Variants in TENM3 observed in about 807,000 individuals in gnomAD.
TENM3 encodes the protein teneurin transmembrane protein 3, also known as teneurin-3.
TENM3 carries 63 observed loss-of-function variants against 255.1 expected under a neutral mutation model. That is an observed-to-expected ratio of 0.25 (90% CI 0.20 to 0.30). The LOEUF is 0.30. Ranked by LOEUF, TENM3 falls within the 10% of genes least tolerant of loss-of-function variation. The probability of loss-of-function intolerance (pLI) is 1.00; values close to 1 mark genes in which losing one functional copy is unlikely to be tolerated. For synonymous variants in TENM3, 1,306 were observed against 1,322.3 expected, an observed-to-expected ratio of 0.99 and a Z score of 0.27; for missense variants, 2,929 against 3,461.1, an observed-to-expected ratio of 0.85 and a Z score of 3.86.
chr4:182,746,220 T>C (rs1408058975), intron 19 of TENM3, among the ~76,000 whole-genome samples: 1 of 152,150 alleles, frequency 6.6e-6, no homozygotes, highest in Non-Finnish European at 1.5e-5. Flanking sequence ...ATCATACCCG[T>C]GGTCCGTGGT....
chr4:182,442,837 C>A (rs898072941), intron 3 of TENM3, among the ~76,000 whole-genome samples: 1 of 77,588 alleles, frequency 1.3e-5, no homozygotes, highest in African/African-American at 4.9e-5. Context: ...TATATACATA[C>A]ATACATATAT....
At chr4:182,506,970 A>G (rs574214797) in intron 3 of TENM3, among the ~76,000 whole-genome samples, 14 of 152,332 alleles carry the variant, frequency 9.2e-5, no homozygotes, top group Middle Eastern at 3.4e-3. Flanking sequence ...GGCACATACT[A>G]TGGAACATCT....
At chr4:182,741,307 T>C (rs890762016) in intron 18 of TENM3, among the ~76,000 whole-genome samples, 7 of 152,226 alleles carry the variant, frequency 4.6e-5, no homozygotes, top group Non-Finnish European at 1.0e-4. Flanking sequence ...CAAAGTGACA[T>C]GTGTCTAATT....
intron 1 of TENM3, among the ~76,000 whole-genome samples, chr4:182,168,468 C>A (rs1751868829): frequency 6.6e-6 from 1 of 152,140 alleles, no homozygotes; most frequent in Non-Finnish European, 1.5e-5. Flanking sequence ...GGGAAACTAG[C>A]CTTCGTTTTC....
chr4:181,625,835 CAAT>C, the TENM3 span, among the ~76,000 whole-genome samples: 2 of 133,110 alleles, frequency 1.5e-5, no homozygotes, highest in African/African-American at 5.1e-5. Context: ...ATAATAATAA[CAAT>C]AATAATAATA....
intron 2 of TENM3, among the ~76,000 whole-genome samples, chr4:182,327,339 C>T (rs1763477566): frequency 1.3e-5 from 2 of 152,144 alleles, no homozygotes; most frequent in African/African-American, 4.8e-5. Context: ...AGTTTTAAAA[C>T]AGCTGATCAG....
chr4:181,686,003 C>G, the TENM3 span, among the ~76,000 whole-genome samples: 1 of 152,128 alleles, frequency 6.6e-6, no homozygotes, highest in Non-Finnish European at 1.5e-5. Flanking sequence ...GTATGGGAAA[C>G]AAAATGCAGG....
chr4:181,920,954 C>T, the TENM3 span, among the ~76,000 whole-genome samples: 276 of 152,300 alleles, frequency 1.8e-3, 1 homozygote, highest in African/African-American at 6.4e-3. Flanking sequence ...CTCCATATGG[C>T]TAGCCAGTTT....
At chr4:181,697,914 G>T in the TENM3 span, among the ~76,000 whole-genome samples, 1 of 152,002 alleles carries the variant, frequency 6.6e-6, no homozygotes, top group Non-Finnish European at 1.5e-5. Flanking sequence ...AACTAAAAGC[G>T]CTTAAGATAA....
In TENM3 at chr4:182,792,980, C is replaced by T. The variant is rs770940337; in HGVS notation, c.6308C>T (p.Thr2103Ile). The T allele has an allele frequency of 9.9e-6, 16 of 1,613,758 alleles. No individual in the cohort carries two copies. The South Asian group carries it at 1.6e-4, about 17-fold the overall frequency. ...EIFRSLMYWI[T>I]IQYDNMGRVT... ...TTCAGGTCGCTCATGTACTGGATTACAATTCAGTATGATAACATGGGTCGG... is the reference window on the plus strand; with the variant it reads ...TTCAGGTCGCTCATGTACTGGATTATAATTCAGTATGATAACATGGGTCGG... Residue 2103 changes from threonine (T) to isoleucine (I), a missense_variant, in exon 26 of 28, where the codon ACA (threonine) becomes ATA (isoleucine). By Grantham distance (89) the Thr-to-Ile change is moderately conservative. Transcript: ENST00000511685. The surrounding 1 kb of genome is among the most constrained non-coding windows in gnomAD (Gnocchi z 6.3).
At chr4:181,950,195 AG>A in the TENM3 span, among the ~76,000 whole-genome samples, 2 of 151,994 alleles carry the variant, frequency 1.3e-5, no homozygotes, top group African/African-American at 2.4e-5. Context: ...TGGCTCAAAA[AG>A]CTCCCCCACT....
chr4:182,495,864 C>G (rs115164230), intron 3 of TENM3, among the ~76,000 whole-genome samples: 86 of 152,196 alleles, frequency 5.7e-4, no homozygotes, highest in Non-Finnish European at 1.1e-3. Flanking sequence ...ATTGAATATC[C>G]CGTCCCTAAT....
chr4:181,782,228 T>C, the TENM3 span, among the ~76,000 whole-genome samples: 5 of 152,138 alleles, frequency 3.3e-5, no homozygotes, highest in East Asian at 1.9e-4. Context: ...TGGTAGAATT[T>C]GGCTGTGAAT....
chr4:182,454,022 A>G (rs1403670187), intron 3 of TENM3, among the ~76,000 whole-genome samples: 1 of 152,128 alleles, frequency 6.6e-6, no homozygotes, highest in Non-Finnish European at 1.5e-5. Flanking sequence ...CTCCTTAATT[A>G]TCTTTGTTCA....
chr4:181,926,273 C>T, the TENM3 span, among the ~76,000 whole-genome samples: 24 of 152,034 alleles, frequency 1.6e-4, no homozygotes, highest in African/African-American at 2.4e-4. Flanking sequence ...ACTGAATTCA[C>T]GAGAATTCAT....
chr4:181,535,816 C>G, the TENM3 span, among the ~76,000 whole-genome samples: 1 of 152,140 alleles, frequency 6.6e-6, no homozygotes, highest in Non-Finnish European at 1.5e-5. Flanking sequence ...AGATGTCATT[C>G]AAAGATCACC....
chr4:182,512,284 A>AT (rs760972534), intron 3 of TENM3, among the ~76,000 whole-genome samples: 26 of 152,128 alleles, frequency 1.7e-4, no homozygotes, highest in Non-Finnish European at 3.1e-4. Context: ...GTCTCTTTTT[A>AT]TTTGCTAAAC....
chr4:182,273,023 T>C (rs937895595), intron 1 of TENM3, among the ~76,000 whole-genome samples: 1 of 152,174 alleles, frequency 6.6e-6, no homozygotes, highest in Admixed American at 6.5e-5. Context: ...GTCTTGAGGG[T>C]TGAGGAGAGG....
the TENM3 span, among the ~76,000 whole-genome samples, chr4:181,705,051 CAA>C: frequency 0.36 from 52,341 of 147,046 alleles, 9,538 homozygotes; most frequent in African/African-American, 0.44. Context: ...CAAAACAAAA[CAA>C]AAAAAAAAAA....
Sources: gnomAD v4.1 joint callset for allele counts (sites outside exome capture counted in the v4.1 genomes callset) on GRCh38, gnomAD v4.1.1 for gene constraint, Gnocchi (gnomAD v3.1) non-coding constraint, MANE v1.5 for transcripts, NCBI Gene and HGNC (gene_info 2026-07-23, HGNC 2026-07-21) for gene names.